The following PDE3B variants were observed in gnomAD, a reference collection of about 807,000 sequenced individuals.
PDE3B encodes the protein cGMP-inhibited 3',5'-cyclic phosphodiesterase 3B.
Under a neutral mutation model 116.8 loss-of-function variants are expected in PDE3B, and 66 were observed. The ratio of observed to expected loss-of-function variants is 0.56; its 90% CI spans 0.46 to 0.69. The LOEUF (loss-of-function observed/expected upper bound fraction) is 0.69. PDE3B is among the 30% of genes least tolerant of loss of function. PDE3B has a pLI of 0.00. For synonymous variants in PDE3B, 595 were observed against 533.6 expected, an observed-to-expected ratio of 1.12 and a Z score of -1.59; for missense variants, 1,384 against 1,368.1, an observed-to-expected ratio of 1.01 and a Z score of -0.18.
intron 4 of PDE3B, among the ~76,000 whole-genome samples, chr11:14,796,699 A>T (rs1858567095): frequency 6.6e-6 from 1 of 152,118 alleles, no homozygotes; most frequent in Non-Finnish European, 1.5e-5. Context: ...TCTTTTGCCC[A>T]CTTTTTGATG....
chr11:14,795,299 T>G (rs1858518162), intron 4 of PDE3B, among the ~76,000 whole-genome samples: 1 of 152,146 alleles, frequency 6.6e-6, no homozygotes, highest in East Asian at 1.9e-4. Context: ...CTCAGGAGTT[T>G]AGGAGTTGTA....
At chr11:14,826,936 C>T (rs1859711530) in intron 7 of PDE3B, among the ~76,000 whole-genome samples, 1 of 152,064 alleles carries the variant, frequency 6.6e-6, no homozygotes, top group South Asian at 2.1e-4. Flanking sequence ...TACTTGCAAA[C>T]CAAATTCAGC....
chr11:14,796,334 T>C (rs1164615798), intron 4 of PDE3B, among the ~76,000 whole-genome samples: 1 of 152,196 alleles, frequency 6.6e-6, no homozygotes, highest in Non-Finnish European at 1.5e-5. Flanking sequence ...TAAATATACA[T>C]GTGCATGTGT....
intron 1 of PDE3B, among the ~76,000 whole-genome samples, chr11:14,675,304 G>A (rs1020162501): frequency 2.6e-5 from 4 of 151,960 alleles, no homozygotes; most frequent in African/African-American, 9.7e-5. Flanking sequence ...AATCTTTGGG[G>A]TCGTTCCTTT....
At chr11:14,856,962 G>T (rs781787424) in intron 12 of PDE3B, among the ~76,000 whole-genome samples, 2 of 152,040 alleles carry the variant, frequency 1.3e-5, no homozygotes, top group Non-Finnish European at 2.9e-5. Context: ...CATTTGTTCA[G>T]ATTAGTCAGA....
At chr11:14,834,846 T>C (rs1253847833) in intron 10 of PDE3B, 136 bp from the exon 11 acceptor site, 1 of 487,554 alleles carries the variant, frequency 2.1e-6, no homozygotes, top group Non-Finnish European at 3.7e-6. Context: ...CAAGAGACTT[T>C]AGATGAAATA....
At chr11:14,826,063 T>A (rs1348286166) in intron 7 of PDE3B, among the ~76,000 whole-genome samples, 1 of 152,178 alleles carries the variant, frequency 6.6e-6, no homozygotes, top group Non-Finnish European at 1.5e-5. Context: ...AGAAGTTTTT[T>A]AATACGAATG....
intron 7 of PDE3B, among the ~76,000 whole-genome samples, chr11:14,827,509 C>T (rs887843242): frequency 1.6e-4 from 25 of 152,070 alleles, no homozygotes; most frequent in African/African-American, 5.8e-4. Flanking sequence ...ACTAGCATTC[C>T]TATACACTAA....
At position 14,837,808 on chromosome 11, in the gene PDE3B, T is replaced by C. The variant is rs558918895; in HGVS notation, c.2320+2713T>C. Among the ~76,000 whole-genome samples, 21 of 152,232 alleles carry C rather than the reference T, an allele frequency of 1.4e-4. No individual in the cohort carries two copies. In the Middle Eastern group the frequency reaches 0.01, roughly 74 times the overall value. ...CCAAATAGCTATTGCAATGGAAAAT[T>C]ATGATGAAAACTAAGACAAGAAGGA... On this transcript the variant is annotated intron_variant, in intron 11 of 15. Coordinates refer to ENST00000282096, the MANE Select transcript of PDE3B (RefSeq NM_000922.4).
At chr11:14,742,515 G>C (rs1471087939) in intron 1 of PDE3B, among the ~76,000 whole-genome samples, 1 of 152,064 alleles carries the variant, frequency 6.6e-6, no homozygotes, top group Non-Finnish European at 1.5e-5. Flanking sequence ...TAGCTTCCTT[G>C]CTTTGGGTTA....
intron 9 of PDE3B, among the ~76,000 whole-genome samples, chr11:14,832,291 T>G (rs1468954796): frequency 6.6e-6 from 1 of 152,218 alleles, no homozygotes; most frequent in Non-Finnish European, 1.5e-5. Flanking sequence ...ATCTTATTTA[T>G]GAAATGCAAA....
chr11:14,781,994 C>T (rs1238313797), intron 2 of PDE3B, among the ~76,000 whole-genome samples: 1 of 152,156 alleles, frequency 6.6e-6, no homozygotes, highest in African/African-American at 2.4e-5. Flanking sequence ...GTGCAGAAAT[C>T]ACAAGCATTC....
chr11:14,895,326 TA>T, the PDE3B span, among the ~76,000 whole-genome samples: 1 of 152,244 alleles, frequency 6.6e-6, no homozygotes, highest in African/African-American at 2.4e-5. Context: ...GAGGCTGAGC[TA>T]AAAGAAAAAA....
chr11:14,715,788 C>T (rs1433031200), intron 1 of PDE3B, among the ~76,000 whole-genome samples: 9 of 152,158 alleles, frequency 5.9e-5, no homozygotes, highest in African/African-American at 1.2e-4. Context: ...GAACTTCCAA[C>T]GCTATGTTGA....
Position 14,870,198 on chromosome 11 carries a change from A to G in PDE3B, c.*538A>G, listed in dbSNP as rs1458786597. On this transcript the variant is annotated 3_prime_UTR_variant, in exon 16 of 16. Transcript: ENST00000282096. The surrounding 1 kb of genome is among the most constrained non-coding windows in gnomAD (Gnocchi z 4.1). ...TCAATGCAATACACTGTTCAGTGCTATTCTCCCAGCTAGGTTTATCCATGA... is the reference window on the plus strand; with the variant it reads ...TCAATGCAATACACTGTTCAGTGCTGTTCTCCCAGCTAGGTTTATCCATGA... 2 of 152,390 alleles carry G rather than the reference A, an allele frequency of 1.3e-5. No homozygotes were observed. The highest frequency in any genetic ancestry group is 2.9e-5 in the Non-Finnish European group (2 of 68,158). The allele number at this position is 152,390 out of a possible 1,614,324, so 9.4% of individuals were successfully genotyped here.
chr11:14,889,993 G>A, the PDE3B span, among the ~76,000 whole-genome samples: 1 of 152,084 alleles, frequency 6.6e-6, no homozygotes, highest in African/African-American at 2.4e-5. Flanking sequence ...GCCGGGCGTG[G>A]TGGCGAGCAC....
At chr11:14,739,806 G>A (rs1301186786) in intron 1 of PDE3B, among the ~76,000 whole-genome samples, 1 of 152,126 alleles carries the variant, frequency 6.6e-6, no homozygotes, top group Non-Finnish European at 1.5e-5. Context: ...AGAGTTTTTA[G>A]CATGAAGGGG....
At chr11:14,667,463 A>T (rs1341367136) in intron 1 of PDE3B, among the ~76,000 whole-genome samples, 1 of 151,174 alleles carries the variant, frequency 6.6e-6, no homozygotes, top group Admixed American at 6.6e-5. Context: ...TTAAATTAAA[A>T]AAAAGAAAAT....
intron 4 of PDE3B, among the ~76,000 whole-genome samples, chr11:14,800,387 C>G (rs1830761477): frequency 6.6e-6 from 1 of 152,092 alleles, no homozygotes; most frequent in African/African-American, 2.4e-5. Flanking sequence ...ATTGCTTGAA[C>G]CTGGGAGGCG....
Sources: gnomAD v4.1 joint callset for allele counts (sites outside exome capture counted in the v4.1 genomes callset) on GRCh38, gnomAD v4.1.1 for gene constraint, Gnocchi (gnomAD v3.1) non-coding constraint, MANE v1.5 for transcripts, NCBI Gene and HGNC (gene_info 2026-07-23, HGNC 2026-07-21) for gene names.